Variants in RRM1 observed in about 807,000 individuals in gnomAD.
RRM1 encodes ribonucleotide reductase catalytic subunit M1.
Under a neutral mutation model 101.5 loss-of-function variants are expected in RRM1, and 19 were observed. That is an observed-to-expected ratio of 0.19 (90% CI 0.13 to 0.27). The LOEUF (loss-of-function observed/expected upper bound fraction) is 0.27. Ranked by LOEUF, RRM1 falls within the 10% of genes least tolerant of loss-of-function variation. The pLI is 1.00. For missense variants in RRM1, 500 were observed against 962.9 expected, an observed-to-expected ratio of 0.52 and a Z score of 6.36; for synonymous variants, 298 against 323.4, an observed-to-expected ratio of 0.92 and a Z score of 0.84.
intron 2 of RRM1, among the ~76,000 whole-genome samples, chr11:4,103,668 G>A (rs1222188795): frequency 6.6e-6 from 1 of 152,008 alleles, no homozygotes; most frequent in Non-Finnish European, 1.5e-5. Flanking sequence ...TGGTGAAACT[G>A]CCCAGGTGCA....
intron 9 of RRM1, among the ~76,000 whole-genome samples, chr11:4,120,613 G>T (rs2094580296): frequency 6.6e-6 from 1 of 152,122 alleles, no homozygotes; most frequent in Non-Finnish European, 1.5e-5. Flanking sequence ...CAATCTACCT[G>T]CCTTGGCCTC....
chr11:4,115,366 C>T (rs1406006545), intron 7 of RRM1, among the ~76,000 whole-genome samples: 1 of 151,836 alleles, frequency 6.6e-6, no homozygotes, highest in African/African-American at 2.4e-5. Context: ...AGGGAGATAA[C>T]GACTCACAGA....
At chr11:4,126,586 T>C in intron 12 of RRM1, 98 bp from the exon 13 acceptor site, 1 of 1,101,046 alleles carries the variant, frequency 9.1e-7, no homozygotes. Context: ...AATTTAAAAT[T>C]TTAATGTCTG....
intron 4 of RRM1, among the ~76,000 whole-genome samples, chr11:4,108,320 C>T (rs926515770): frequency 3.9e-5 from 6 of 152,066 alleles, no homozygotes; most frequent in Admixed American, 1.3e-4. Flanking sequence ...ATGATTAGGC[C>T]GGGCGCGGTA....
intron 2 of RRM1, among the ~76,000 whole-genome samples, chr11:4,104,375 A>G (rs572260726): frequency 3.9e-5 from 6 of 152,308 alleles, no homozygotes; most frequent in African/African-American, 1.4e-4. Flanking sequence ...TGAGGGGAGT[A>G]TGCATTGTTC....
intron 4 of RRM1, among the ~76,000 whole-genome samples, chr11:4,108,646 C>T (rs1419945946): frequency 7.2e-6 from 1 of 138,620 alleles, no homozygotes; most frequent in Non-Finnish European, 1.6e-5. Context: ...TCTCTCTAAA[C>T]ATGTATCTGA....
intron 15 of RRM1, among the ~76,000 whole-genome samples, chr11:4,131,269 A>G (rs1352390339): frequency 6.6e-6 from 1 of 152,224 alleles, no homozygotes; most frequent in Non-Finnish European, 1.5e-5. Flanking sequence ...GAACAGCATG[A>G]GGGTAACCTC....
intron 12 of RRM1, among the ~76,000 whole-genome samples, chr11:4,124,707 G>A (rs540429376): frequency 1.8e-4 from 27 of 151,878 alleles, no homozygotes; most frequent in African/African-American, 6.0e-4. Flanking sequence ...TTTTTTTCGG[G>A]GGGCGTCAAG....
chr11:4,125,134 C>G (rs946491440), intron 12 of RRM1, among the ~76,000 whole-genome samples: 1 of 152,028 alleles, frequency 6.6e-6, no homozygotes, highest in African/African-American at 2.4e-5. Flanking sequence ...AGGATGGTCT[C>G]AATCTCTTGA....
At chr11:4,106,338 C>T (rs2094558246) in intron 3 of RRM1, 115 bp downstream of exon 3, 1 of 893,326 alleles carries the variant, frequency 1.1e-6, no homozygotes. Context: ...GTGGCTTACA[C>T]CTCGAATCCC....
rs1220088068 is a variant in RRM1, at chr11:4,094,981, T to C, written c.-32T>C. The C allele has an allele frequency of 7.7e-6, 12 of 1,556,852 alleles. No individual in the cohort carries two copies. Among genetic ancestry groups the C allele is most frequent in the Non-Finnish European group, 1.0e-5 (12 of 1,150,188 alleles). ...GCGCTTTAGAGCCGCAGTCCAGTCT[T>C]GGATCCTTCAGAGCCTCAGCCACTA... On this transcript the variant is annotated 5_prime_UTR_variant, in exon 1 of 19. Transcript: ENST00000300738.
chr11:4,100,739 C>A (rs931266030), intron 1 of RRM1, among the ~76,000 whole-genome samples: 20 of 152,154 alleles, frequency 1.3e-4, no homozygotes, highest in African/African-American at 4.6e-4. Flanking sequence ...AAAGTTGTTA[C>A]AACAAAAGCA....
chr11:4,111,179 A>G, intron 5 of RRM1, among the ~76,000 whole-genome samples: 1 of 152,086 alleles, frequency 6.6e-6, no homozygotes, highest in Non-Finnish European at 1.5e-5. Context: ...AACGTTTTAA[A>G]AAGTTTTTTT....
intron 2 of RRM1, 61 bp from the exon 3 acceptor site, chr11:4,105,985 C>A (rs1296369591): frequency 7.0e-7 from 1 of 1,438,768 alleles, no homozygotes; most frequent in Non-Finnish European, 9.7e-7. Flanking sequence ...CTTAATTACT[C>A]TTTTAAGGAA....
chr11:4,130,987 A>G (rs926165593), intron 15 of RRM1, among the ~76,000 whole-genome samples: 5 of 152,232 alleles, frequency 3.3e-5, no homozygotes, highest in African/African-American at 1.2e-4. Flanking sequence ...AGTAAATAAA[A>G]AAATAATAAT....
intron 1 of RRM1, among the ~76,000 whole-genome samples, chr11:4,101,126 G>A (rs2094550320): frequency 6.6e-6 from 1 of 152,064 alleles, no homozygotes; most frequent in Non-Finnish European, 1.5e-5. Context: ...TCCTATTTGG[G>A]GCATTGCAAT....
intron 18 of RRM1, among the ~76,000 whole-genome samples, chr11:4,136,420 A>T (rs1401543054): frequency 6.6e-6 from 1 of 152,056 alleles, no homozygotes; most frequent in African/African-American, 2.4e-5. Context: ...GGGTTTTGCC[A>T]TGTTGGCCAG....
intron 1 of RRM1, 72 bp downstream of exon 1, chr11:4,095,103 AGACCGCCC>A: frequency 7.5e-7 from 1 of 1,341,264 alleles, no homozygotes; most frequent in Non-Finnish European, 1.0e-6. Context: ...GCTGATGCCC[AGACCGCCC>A]GCCCGCCTTC....
In RRM1 at chr11:4,110,691, C is replaced by T. The variant is rs2094564139; in HGVS notation, c.448-910C>T. 2.0e-5 allele frequency among the ~76,000 whole-genome samples: 3 copies of T among 150,356 alleles called. No individual in the cohort carries two copies. The South Asian group carries it at 6.3e-4, about 32-fold the overall frequency. On this transcript the variant is annotated intron_variant, in intron 5 of 18. Transcript: ENST00000300738. ...GGCTGAGGCAGGAGAACTGCTTATA[C>T]TCAGGAGACGGAGGTTGCAGTGAGC...
Sources: gnomAD v4.1 joint callset for allele counts (sites outside exome capture counted in the v4.1 genomes callset) on GRCh38, gnomAD v4.1.1 for gene constraint, MANE v1.5 for transcripts, NCBI Gene and HGNC (gene_info 2026-07-23, HGNC 2026-07-21) for gene names.